Variants in CDKL4 observed in about 807,000 individuals in gnomAD.
The protein encoded by CDKL4 is cyclin dependent kinase like 4, also known as cyclin-dependent kinase-like 4.
CDKL4 carries 44 observed loss-of-function variants against 42.0 expected under a neutral mutation model. That is an observed-to-expected ratio of 1.05 (90% CI 0.82 to 1.35). The LOEUF (loss-of-function observed/expected upper bound fraction) is 1.35. Ranked by LOEUF, CDKL4 falls within the 40% of genes most tolerant of loss-of-function variation. CDKL4 has a pLI of 0.00. For missense variants in CDKL4, 393 were observed against 369.9 expected, an observed-to-expected ratio of 1.06 and a Z score of -0.51; for synonymous variants, 120 against 121.6, an observed-to-expected ratio of 0.99 and a Z score of 0.09.
intron 1 of CDKL4, among the ~76,000 whole-genome samples, chr2:39,235,510 T>A (rs1679323369): frequency 6.6e-6 from 1 of 152,160 alleles, no homozygotes; most frequent in Non-Finnish European, 1.5e-5. Flanking sequence ...CTTAGGAGGC[T>A]GAGGCCTGAG....
chr2:39,232,026 C>T (rs1458837026), intron 1 of CDKL4, among the ~76,000 whole-genome samples: 1 of 152,100 alleles, frequency 6.6e-6, no homozygotes, highest in African/African-American at 2.4e-5. Context: ...TGACAAGAAG[C>T]TTAATTATGA....
chr2:39,203,351 C>T (rs1012564096), intron 5 of CDKL4, among the ~76,000 whole-genome samples: 1 of 152,092 alleles, frequency 6.6e-6, no homozygotes, highest in Non-Finnish European at 1.5e-5. Context: ...ATATGAAATG[C>T]TGCTCTTATG....
At chr2:39,244,667 G>C (rs897522455), upstream of CDKL4, among the ~76,000 whole-genome samples, 1 of 152,226 alleles carries the variant, frequency 6.6e-6, no homozygotes, top group Non-Finnish European at 1.5e-5. Context: ...GCGAGCGAAC[G>C]GCGCGGGACT....
At chr2:39,204,169 T>C (rs1372655552) in intron 5 of CDKL4, among the ~76,000 whole-genome samples, 1 of 152,228 alleles carries the variant, frequency 6.6e-6, no homozygotes. Context: ...CACATTAATA[T>C]CTCCCTCCAG....
intron 4 of CDKL4, among the ~76,000 whole-genome samples, chr2:39,208,304 C>T (rs1043313749): frequency 6.6e-6 from 1 of 151,892 alleles, no homozygotes. Context: ...ATGCAAGTCT[C>T]TCTTAATAAA....
intron 6 of CDKL4, among the ~76,000 whole-genome samples, chr2:39,188,047 G>A (rs569001736): frequency 2.0e-5 from 3 of 151,596 alleles, no homozygotes; most frequent in South Asian, 2.1e-4. Context: ...CAGCCTGGGC[G>A]ACAGAGCAAG....
chr2:39,189,889 T>C (rs1489908463), intron 6 of CDKL4, among the ~76,000 whole-genome samples: 2 of 152,172 alleles, frequency 1.3e-5, no homozygotes, highest in African/African-American at 4.8e-5. Context: ...ACCATATAGC[T>C]TTTTATAGAA....
intron 4 of CDKL4, among the ~76,000 whole-genome samples, chr2:39,209,306 T>C (rs974956589): frequency 1.3e-4 from 17 of 128,540 alleles, no homozygotes; most frequent in African/African-American, 4.5e-4. Context: ...AGCAAGATCC[T>C]GTCTCAGGAA....
At chr2:39,236,059 G>C (rs1679352940) in intron 1 of CDKL4, among the ~76,000 whole-genome samples, 1 of 140,732 alleles carries the variant, frequency 7.1e-6, no homozygotes, top group African/African-American at 2.6e-5. Context: ...ATAATTTAAA[G>C]AATTAAAGAA....
At position 39,223,581 on chromosome 2, in the gene CDKL4, C is replaced by CT. The variant is rs59461223; in HGVS notation, c.290+2257dup. ...TTAGATGTACTGGTCATTTCCTTCTCTTTTTTTTTTTTTTTGAAGACTTCT... is the reference window on the plus strand; with the variant it reads ...TTAGATGTACTGGTCATTTCCTTCTCTTTTTTTTTTTTTTTTGAAGACTTCT... On this transcript the variant is annotated intron_variant, in intron 3 of 9. Coordinates refer to ENST00000451199, the Ensembl canonical transcript of CDKL4. Among the ~76,000 whole-genome samples, 357 of 83,436 alleles carry CT rather than the reference C, an allele frequency of 4.3e-3. 11 individuals are homozygous for CT. Among genetic ancestry groups the CT allele is most frequent in the African/African-American group, 9.7e-3 (201 of 20,760 alleles). 54.7% of individuals were successfully genotyped at this position (83,436 alleles called of 152,430 possible).
intron 2 of CDKL4, 66 bp from the exon 3 acceptor site, chr2:39,226,026 T>A (rs1338612416): frequency 3.6e-6 from 5 of 1,403,948 alleles, no homozygotes; most frequent in South Asian, 1.7e-5. Flanking sequence ...CCCAGACCCC[T>A]TAAAGAAACT....
intron 9 of CDKL4, among the ~76,000 whole-genome samples, chr2:39,177,486 C>A (rs1572933832): frequency 2.7e-5 from 4 of 150,614 alleles, no homozygotes. Flanking sequence ...CTCACTGCAA[C>A]CTCCGCCTCC....
In CDKL4 at chr2:39,217,206, A is replaced by G. The variant is rs149252108; in HGVS notation, c.291-3734T>C. Among the ~76,000 whole-genome samples, 1,125 of 152,306 alleles carry G rather than the reference A, an allele frequency of 7.4e-3. 12 individuals are homozygous for G. The highest frequency in any genetic ancestry group is 0.026 in the African/African-American group (1,075 of 41,572). On this transcript the variant is annotated intron_variant, in intron 3 of 9. Coordinates refer to ENST00000451199, the Ensembl canonical transcript of CDKL4. Reference sequence around the variant, plus strand: ...AAAAGATGCTCAGTGTTTAAATATTATATTTTGGGCCAGTGCAAAACCAAA... The same window carrying G: ...AAAAGATGCTCAGTGTTTAAATATTGTATTTTGGGCCAGTGCAAAACCAAA...
intron 2 of CDKL4, among the ~76,000 whole-genome samples, chr2:39,226,447 A>ATATATATTATATATATATTATATATAT (rs1553393134): frequency 6.7e-5 from 9 of 135,252 alleles, no homozygotes; most frequent in African/African-American, 2.1e-4. Flanking sequence ...TATATATATT[A>ATATATATTATATATATATTATATATAT]TATATATATT....
At chr2:39,215,430 C>T (rs559716003) in intron 3 of CDKL4, among the ~76,000 whole-genome samples, 1 of 152,088 alleles carries the variant, frequency 6.6e-6, no homozygotes, top group Non-Finnish European at 1.5e-5. Flanking sequence ...TGTCTTTCAG[C>T]CCTGTTGATG....
chr2:39,239,984 G>T (rs1428043079), intron 1 of CDKL4, among the ~76,000 whole-genome samples: 7 of 151,976 alleles, frequency 4.6e-5, no homozygotes, highest in Admixed American at 4.6e-4. Flanking sequence ...CAGCTACTTG[G>T]GAGGCTGAGG....
At chr2:39,173,654 A>G (rs1675059331), downstream of CDKL4, among the ~76,000 whole-genome samples, 1 of 152,034 alleles carries the variant, frequency 6.6e-6, no homozygotes, top group Admixed American at 6.6e-5. Context: ...CTAAAAATAC[A>G]AAACAATTAG....
At chr2:39,174,940 T>C (rs1039931521), downstream of CDKL4, among the ~76,000 whole-genome samples, 3 of 152,144 alleles carry the variant, frequency 2.0e-5, no homozygotes, top group African/African-American at 4.8e-5. Context: ...TCAAGTTTAG[T>C]TGGGAAAAAA....
chr2:39,184,696 ATG>A, intron 7 of CDKL4, 49 bp from the exon 8 acceptor site: 1 of 1,249,892 alleles, frequency 8.0e-7, no homozygotes, highest in South Asian at 1.2e-5. Flanking sequence ...ACAAAGTAAT[ATG>A]TGTGTGTATA....
Sources: allele counts gnomAD v4.1 joint callset (sites outside exome capture counted in the v4.1 genomes callset), GRCh38; gene constraint gnomAD v4.1.1; transcripts MANE v1.5; gene names NCBI Gene and HGNC (gene_info 2026-07-23, HGNC 2026-07-21).